Variants in TRPC5 observed in about 807,000 individuals in gnomAD.
TRPC5 encodes short transient receptor potential channel 5.
In TRPC5, 9 loss-of-function variants were observed where a neutral mutation model predicts 56.5. The ratio of observed to expected loss-of-function variants is 0.16; its 90% confidence interval spans 0.10 to 0.28. The LOEUF (loss-of-function observed/expected upper bound fraction) is 0.28, where lower values mean the gene tolerates loss of function less well. TRPC5 is among the 10% of genes least tolerant of loss of function. The probability of loss-of-function intolerance (pLI) is 1.00; values close to 1 mark genes in which losing one functional copy is unlikely to be tolerated. For synonymous variants in TRPC5, 282 were observed against 278.5 expected, an observed-to-expected ratio of 1.01 and a Z score of -0.13; for missense variants, 469 against 748.9, an observed-to-expected ratio of 0.63 and a Z score of 4.36.
chrX:112,081,703 A>G (rs1376929590), intron 1 of TRPC5, among the ~76,000 whole-genome samples, 176 bp downstream of exon 1: 1 of 111,173 alleles, frequency 9.0e-6, no homozygotes, highest in Non-Finnish European at 1.9e-5. Context: ...CTCTTCCAAA[A>G]CAATCTGTTG....
At chrX:111,830,437 T>C (rs1208046598) in intron 7 of TRPC5, among the ~76,000 whole-genome samples, 4 of 111,527 alleles carry the variant, frequency 3.6e-5, no homozygotes, top group Non-Finnish European at 7.5e-5. Flanking sequence ...GTCATGAGAT[T>C]TGGGAGGGGC....
intron 7 of TRPC5, among the ~76,000 whole-genome samples, chrX:111,834,378 G>T (rs1314303863): frequency 9.0e-6 from 1 of 111,604 alleles, no homozygotes; most frequent in Non-Finnish European, 1.9e-5. Flanking sequence ...ATCACTTGAG[G>T]CCAGGAGTTT....
At chrX:112,041,002 G>A (rs1929877362) in intron 1 of TRPC5, among the ~76,000 whole-genome samples, 2 of 112,358 alleles carry the variant, frequency 1.8e-5, no homozygotes, top group Non-Finnish European at 3.8e-5. Context: ...TGGAGGCAGT[G>A]TAAGACATCT....
At chrX:111,965,093 A>C (rs1278847735) in intron 1 of TRPC5, among the ~76,000 whole-genome samples, 2 of 111,266 alleles carry the variant, frequency 1.8e-5, no homozygotes, top group East Asian at 5.6e-4. Context: ...TCACGTGCAG[A>C]GACACACATA....
chrX:111,932,667 C>T (rs1926448850), intron 2 of TRPC5, among the ~76,000 whole-genome samples: 1 of 111,428 alleles, frequency 9.0e-6, no homozygotes, highest in Admixed American at 9.5e-5. Context: ...TGACTGTTCA[C>T]CAAGGTCCCA....
rs1220970030 is a variant in TRPC5 at position 111,776,170 on chromosome X, GC to G, written c.*142del. 5.6e-6 allele frequency: 3 copies of G among 531,805 alleles called. No individual in the cohort carries two copies. Among genetic ancestry groups the G allele is most frequent in the Non-Finnish European group, 8.7e-6 (3 of 346,266 alleles). 43.8% of individuals were successfully genotyped at this position (531,805 alleles called of 1,213,427 possible). On this transcript the variant is annotated 3_prime_UTR_variant, in exon 11 of 11. Coordinates refer to ENST00000262839, the MANE Select transcript of TRPC5 (RefSeq NM_012471.3). ...AACAAGAACAAAAATGGAGAATGTG[GC>G]TATAAAAGATGGTGCAAATAAGAGT...
intron 7 of TRPC5, among the ~76,000 whole-genome samples, chrX:111,833,255 A>G (rs980512188): frequency 1.8e-5 from 2 of 111,564 alleles, no homozygotes; most frequent in Non-Finnish European, 3.8e-5. Context: ...GTTAATCTGT[A>G]GGCACCCGGA....
intron 3 of TRPC5, chrX:111,896,310 T>TTTACTCTCTGAAATGTTGG (rs1556579231): frequency 9.1e-6 from 1 of 110,073 alleles, no homozygotes; most frequent in African/African-American, 3.4e-5. Flanking sequence ...GAAAGGGCTC[T>TTTACTCTCTGAAATGTTGG]TTAATCTCGT....
At chrX:111,946,424 T>C (rs768559689) in intron 2 of TRPC5, among the ~76,000 whole-genome samples, 56 of 111,775 alleles carry the variant, frequency 5.0e-4, no homozygotes, top group Admixed American at 1.0e-3. Context: ...TCTTTCTTCC[T>C]GACTGGCAGA....
chrX:112,047,818 TAGAG>T (rs1421477985), intron 1 of TRPC5, among the ~76,000 whole-genome samples: 1 of 111,692 alleles, frequency 9.0e-6, no homozygotes, highest in Non-Finnish European at 1.9e-5. Context: ...ACTCCTTCCT[TAGAG>T]AGCCCTTTCC....
At chrX:111,836,290 A>C (rs1188001913) in intron 6 of TRPC5, among the ~76,000 whole-genome samples, 2 of 112,239 alleles carry the variant, frequency 1.8e-5, no homozygotes, top group Non-Finnish European at 1.9e-5. Flanking sequence ...GCCATTGCCC[A>C]AGCCTATGGA....
At chrX:112,004,953 A>G (rs887254838) in intron 1 of TRPC5, among the ~76,000 whole-genome samples, 5 of 111,537 alleles carry the variant, frequency 4.5e-5, no homozygotes, top group African/African-American at 1.6e-4. Flanking sequence ...AAGAAGCTAC[A>G]TTTCTCATAT....
At chrX:112,053,821 A>G (rs111634028) in intron 1 of TRPC5, among the ~76,000 whole-genome samples, 4,728 of 112,336 alleles carry the variant, frequency 0.042, 242 homozygotes, top group African/African-American at 0.15. Flanking sequence ...GGAGATAGAC[A>G]TGGAACCAGG....
chrX:112,029,579 C>T (rs767243444), intron 1 of TRPC5, among the ~76,000 whole-genome samples: 3 of 111,438 alleles, frequency 2.7e-5, no homozygotes, highest in African/African-American at 6.5e-5. Flanking sequence ...AGCTGATCTC[C>T]GTAGTGGTTG....
chrX:111,898,297 GCA>G (rs200189599), intron 3 of TRPC5, among the ~76,000 whole-genome samples: 1 of 101,897 alleles, frequency 9.8e-6, no homozygotes, highest in Non-Finnish European at 2.0e-5. Context: ...GCGTGTGTGC[GCA>G]CACACACACA....
intron 7 of TRPC5, among the ~76,000 whole-genome samples, chrX:111,828,937 A>C (rs758959282): frequency 1.3e-4 from 14 of 111,686 alleles, no homozygotes; most frequent in Non-Finnish European, 2.6e-4. Context: ...GGAACTTTGA[A>C]CTTGAGAGAG....
At chrX:111,800,664 G>A in intron 7 of TRPC5, among the ~76,000 whole-genome samples, 1 of 110,070 alleles carries the variant, frequency 9.1e-6, no homozygotes, top group East Asian at 2.9e-4. Flanking sequence ...TGAGGCAGGA[G>A]ACTCGCTTGT....
intron 2 of TRPC5, among the ~76,000 whole-genome samples, chrX:111,946,909 T>C (rs573780662): frequency 7.1e-5 from 8 of 112,404 alleles, no homozygotes; most frequent in East Asian, 2.8e-4. Context: ...TTCTCAGAGG[T>C]TGGCAAAGTC....
chrX:111,946,267 T>C (rs1052316165), intron 2 of TRPC5, among the ~76,000 whole-genome samples: 4 of 111,900 alleles, frequency 3.6e-5, no homozygotes, highest in African/African-American at 9.8e-5. Flanking sequence ...AGGGTCCTGA[T>C]AAAAACCTGC....
Sources: allele counts gnomAD v4.1 joint callset (sites outside exome capture counted in the v4.1 genomes callset), GRCh38; gene constraint gnomAD v4.1.1; transcripts MANE v1.5; gene names NCBI Gene and HGNC (gene_info 2026-07-23, HGNC 2026-07-21).